Variants in ARHGEF10L observed in about 807,000 individuals in gnomAD.
ARHGEF10L encodes rho guanine nucleotide exchange factor 10-like protein.
A neutral mutation model predicts 141.2 loss-of-function variants in ARHGEF10L; 69 were observed. The observed-to-expected ratio is 0.49, with a 90% CI of 0.40 to 0.60. The LOEUF is 0.60. Among genes scored for constraint, ARHGEF10L ranks in the 20% least tolerant of loss-of-function variants. ARHGEF10L has a pLI of 0.00. For synonymous variants in ARHGEF10L, 711 were observed against 718.5 expected, an observed-to-expected ratio of 0.99 and a Z score of 0.17; for missense variants, 1,482 against 1,734.3, an observed-to-expected ratio of 0.85 and a Z score of 2.58.
At chr1:17,612,472 A>C (rs1374758157) in intron 7 of ARHGEF10L, among the ~76,000 whole-genome samples, 2 of 151,990 alleles carry the variant, frequency 1.3e-5, no homozygotes, top group Non-Finnish European at 2.9e-5. Context: ...CCATTTATTT[A>C]TTCATCCATC....
intron 26 of ARHGEF10L, among the ~76,000 whole-genome samples, chr1:17,680,519 G>C (rs749379641): frequency 6.6e-6 from 1 of 152,192 alleles, no homozygotes; most frequent in Non-Finnish European, 1.5e-5. Flanking sequence ...GGGCTGCAGG[G>C]AGGGGCTCCG....
upstream of ARHGEF10L, among the ~76,000 whole-genome samples, chr1:17,535,849 A>G (rs2076568331): frequency 6.6e-6 from 1 of 152,198 alleles, no homozygotes; most frequent in South Asian, 2.1e-4. Flanking sequence ...TCTATGCTGC[A>G]CCAGGTTCTG....
the ARHGEF10L span, among the ~76,000 whole-genome samples, chr1:17,534,494 C>G: frequency 6.6e-6 from 1 of 151,662 alleles, no homozygotes; most frequent in African/African-American, 2.4e-5. Context: ...CTCCTGACCT[C>G]AAGTGATCCA....
chr1:17,655,894 G>A lies in ARHGEF10L; in HGVS notation c.2497G>A (p.Glu833Lys), dbSNP rs769667948. 6.4e-7 allele frequency: 1 copy of A among 1,554,930 alleles called. No individual in the cohort carries two copies. The highest frequency in any genetic ancestry group is 1.2e-5 in the South Asian group (1 of 84,438). Reference sequence around the variant, plus strand: ...CTGCTCCCAGGTCGGGGGCGGACAGGAAGGCGCAGGGGGCCAGGTGGAAAT... The same window carrying A: ...CTGCTCCCAGGTCGGGGGCGGACAGAAAGGCGCAGGGGGCCAGGTGGAAAT... ...QGYLWVGGGQ[E>K]GAGGQVEIFS... The change falls in exon 24 of 29, where the codon GAA (glutamate) becomes AAA (lysine). Residue 833 changes from glutamate (E) to lysine (K), a missense_variant. By Grantham distance (56) the Glu-to-Lys change is moderately conservative. This residue lies in a region of ARHGEF10L where 858 missense variants were observed against 966.3 expected (regional missense o/e 0.89). Coordinates refer to ENST00000361221, the MANE Select transcript of ARHGEF10L (RefSeq NM_018125.4).
At chr1:17,632,586 C>T (rs2060762894) in intron 16 of ARHGEF10L, 120 bp downstream of exon 16, 4 of 1,300,262 alleles carry the variant, frequency 3.1e-6, no homozygotes. Context: ...GTTTAGGCTT[C>T]CAATATTCCT....
chr1:17,697,786 T>C lies in ARHGEF10L; in HGVS notation c.*406T>C, dbSNP rs925701269. ...AATATCTATAAATAAGTATATATGG[T>C]GTATATTATATGTGTATAAATAAAG... On this transcript the variant is annotated 3_prime_UTR_variant, in exon 29 of 29. Coordinates refer to ENST00000361221, the MANE Select transcript of ARHGEF10L (RefSeq NM_018125.4). The surrounding 1 kb of genome is among the most constrained non-coding windows in gnomAD (Gnocchi z 4.8). 2.5e-6 allele frequency: 1 copy of C among 393,834 alleles called. No individual in the cohort carries two copies. Among genetic ancestry groups the C allele is most frequent in the African/African-American group, 2.1e-5 (1 of 47,806 alleles). The allele number at this position is 393,834 out of a possible 1,614,324, so 24.4% of individuals were successfully genotyped here.
chr1:17,693,321 T>C (rs541666131), intron 27 of ARHGEF10L, among the ~76,000 whole-genome samples: 47 of 152,288 alleles, frequency 3.1e-4, no homozygotes, highest in African/African-American at 1.1e-3. Context: ...ATGTACATGG[T>C]CCCAGCTGTG....
At chr1:17,520,411 C>T in the ARHGEF10L span, among the ~76,000 whole-genome samples, 4 of 152,258 alleles carry the variant, frequency 2.6e-5, no homozygotes, top group Non-Finnish European at 4.4e-5. Flanking sequence ...GCCCCTGTCA[C>T]TTGTGCTCCC....
At chr1:17,578,232 C>T (rs1376310642) in intron 1 of ARHGEF10L, among the ~76,000 whole-genome samples, 1 of 152,178 alleles carries the variant, frequency 6.6e-6, no homozygotes, top group Non-Finnish European at 1.5e-5. Flanking sequence ...TTTGAATGAG[C>T]CCACTGGGAG....
intron 15 of ARHGEF10L, among the ~76,000 whole-genome samples, chr1:17,628,917 C>T (rs2060526730): frequency 6.6e-6 from 1 of 152,190 alleles, no homozygotes; most frequent in Admixed American, 6.5e-5. Context: ...TGTAGGGTCC[C>T]CTGCAGTGCC....
intron 7 of ARHGEF10L, among the ~76,000 whole-genome samples, chr1:17,611,543 T>G (rs2059550406): frequency 6.8e-6 from 1 of 146,328 alleles, no homozygotes; most frequent in South Asian, 2.2e-4. Context: ...TATCCATCCA[T>G]CCATCCATCC....
chr1:17,557,748 A>G (rs2077392121), intron 1 of ARHGEF10L, among the ~76,000 whole-genome samples: 1 of 152,232 alleles, frequency 6.6e-6, no homozygotes, highest in Non-Finnish European at 1.5e-5. Context: ...ATGTAATTGT[A>G]AGGCCAGACA....
intron 1 of ARHGEF10L, among the ~76,000 whole-genome samples, chr1:17,547,663 C>T (rs1285158674): frequency 1.3e-5 from 2 of 152,162 alleles, no homozygotes; most frequent in African/African-American, 4.8e-5. Context: ...TATTCCTGAA[C>T]CTAGACATTA....
At chr1:17,640,029 G>A in intron 20 of ARHGEF10L, 173 bp from the exon 21 acceptor site, 1 of 1,469,644 alleles carries the variant, frequency 6.8e-7, no homozygotes, top group Non-Finnish European at 9.0e-7. Flanking sequence ...CCTCCCCCAG[G>A]GGACCGAGGC....
chr1:17,648,235 C>T (rs932834553), intron 21 of ARHGEF10L, among the ~76,000 whole-genome samples: 2 of 152,192 alleles, frequency 1.3e-5, no homozygotes, highest in Admixed American at 1.3e-4. Context: ...AACCACAGGA[C>T]GAAGGCATTT....
chr1:17,697,351 C>T lies in ARHGEF10L; in HGVS notation c.3811C>T (p.Leu1271Phe). The T allele has an allele frequency of 6.2e-7, 1 of 1,603,230 alleles. No individual in the cohort carries two copies. The highest frequency in any genetic ancestry group is 8.5e-7 in the Non-Finnish European group (1 of 1,173,158). The change falls in exon 29 of 29, where the codon CTC becomes TTC. Residue 1271 changes from leucine (L) to phenylalanine (F), a missense_variant. Transcript: ENST00000361221. This position sits in a 1 kb window ranked among gnomAD's most constrained non-coding sequence, Gnocchi z 4.8. ...GTGTGGGGAGACGGACAGCACCCTC[C>T]TCATCTGGCAGGTGCCCTTGATGCT... is the stretch of plus-strand genomic sequence containing the variant. ...APCGETDSTLLIWQVPLML is the reference protein window; with the variant it reads ...APCGETDSTLFIWQVPLML
intron 1 of ARHGEF10L, among the ~76,000 whole-genome samples, chr1:17,557,033 T>TA (rs370811589): frequency 0.12 from 13,742 of 118,940 alleles, 770 homozygotes; most frequent in Middle Eastern, 0.18. Flanking sequence ...CTCCATCTCT[T>TA]AAAAAAAAAA....
At chr1:17,635,681 A>T (rs575650993) in intron 18 of ARHGEF10L, among the ~76,000 whole-genome samples, 76 of 151,956 alleles carry the variant, frequency 5.0e-4, no homozygotes, top group African/African-American at 1.8e-3. Context: ...TGCTCTCGAG[A>T]CCTCTGGTAC....
intron 1 of ARHGEF10L, among the ~76,000 whole-genome samples, chr1:17,540,641 C>A (rs1480610293): frequency 1.3e-5 from 2 of 152,104 alleles, no homozygotes; most frequent in African/African-American, 2.4e-5. Context: ...CCTCCCTCTG[C>A]CAAAGCGGGG....
Sources: allele counts gnomAD v4.1 joint callset (sites outside exome capture counted in the v4.1 genomes callset), GRCh38; gene constraint gnomAD v4.1.1; regional missense constraint gnomAD v4.1.1; non-coding constraint Gnocchi (gnomAD v3.1); transcripts MANE v1.5; gene names NCBI Gene and HGNC (gene_info 2026-07-23, HGNC 2026-07-21).